Variants in TFPI observed in about 807,000 individuals in gnomAD.
TFPI encodes anti-convertin.
Under a neutral mutation model 34.6 loss-of-function variants are expected in TFPI, and 15 were observed. The observed-to-expected ratio is 0.43, with a 90% CI of 0.29 to 0.67. The LOEUF (loss-of-function observed/expected upper bound fraction) is 0.67, where lower values mean the gene tolerates loss of function less well. Ranked by LOEUF, TFPI falls within the 30% of genes least tolerant of loss-of-function variation. The pLI, the probability that TFPI is intolerant of heterozygous loss-of-function variation, is 0.15. For missense variants in TFPI, 301 were observed against 364.0 expected (o/e 0.83, Z 1.41); for synonymous variants, 105 against 120.1 (o/e 0.87, Z 0.82).
At chr2:187,509,101 T>C (rs1254623682) in intron 1 of TFPI, among the ~76,000 whole-genome samples, 4 of 152,200 alleles carry the variant, frequency 2.6e-5, no homozygotes, top group African/African-American at 7.2e-5. Context: ...ATTAAGTTTA[T>C]TGATTTGTGT....
intron 1 of TFPI, among the ~76,000 whole-genome samples, chr2:187,506,056 C>A (rs1186148972): frequency 2.0e-5 from 3 of 151,818 alleles, no homozygotes; most frequent in Non-Finnish European, 4.4e-5. Flanking sequence ...AATCAAATAT[C>A]TAAATTTTTA....
chr2:187,483,657 G>C (rs1219796466), intron 6 of TFPI, among the ~76,000 whole-genome samples: 1 of 151,956 alleles, frequency 6.6e-6, no homozygotes, highest in Non-Finnish European at 1.5e-5. Context: ...TCCCTCCAGA[G>C]TGACATAACA....
At chr2:187,482,554 T>C (rs1000816649) in intron 6 of TFPI, among the ~76,000 whole-genome samples, 3 of 152,008 alleles carry the variant, frequency 2.0e-5, no homozygotes, top group Non-Finnish European at 2.9e-5. Flanking sequence ...CCTGAAGTCA[T>C]TTTGAATATA....
At chr2:187,505,728 T>C (rs186526522) in intron 1 of TFPI, among the ~76,000 whole-genome samples, 3 of 152,276 alleles carry the variant, frequency 2.0e-5, no homozygotes, top group Non-Finnish European at 2.9e-5. Context: ...TTTGGACCAA[T>C]CCATTTGAGT....
chr2:187,506,509 A>G (rs1167337441), intron 1 of TFPI, among the ~76,000 whole-genome samples: 1 of 152,110 alleles, frequency 6.6e-6, no homozygotes, highest in Non-Finnish European at 1.5e-5. Flanking sequence ...AAATATCCTT[A>G]TCTTTTCCCC....
In TFPI at chr2:187,542,606, C is replaced by G. The variant is rs150385949; in HGVS notation, c.-3+11594G>C. Among the ~76,000 whole-genome samples, 1,010 of 152,280 alleles carry G rather than the reference C, an allele frequency of 6.6e-3. 8 individuals carry two copies. Among genetic ancestry groups the G allele is most frequent in the African/African-American group, 0.023 (961 of 41,544 alleles). ...ATTTCTGGGGCTGGACGCTGCGGCT[C>G]ATGCCTGTAATCCCAGCACTTTGGG... On this transcript the variant is annotated intron_variant, in intron 1 of 7. Transcript: ENST00000233156.
intron 6 of TFPI, among the ~76,000 whole-genome samples, chr2:187,477,915 C>T (rs894909373): frequency 2.6e-5 from 4 of 152,094 alleles, no homozygotes; most frequent in Admixed American, 2.0e-4. Flanking sequence ...AATTACTTTC[C>T]CTGGACCTGG....
chr2:187,467,628 A>G lies in TFPI; in HGVS notation c.808+125T>C, dbSNP rs565051066. ...TTATCTAAATGTAATTGAAGAGGAC[A>G]TTTATTAGCTAGATTATACTTTCTT... On this transcript the variant is annotated intron_variant, in intron 7 of 7. Transcript: ENST00000233156. 1,213 of 848,960 alleles carry G rather than the reference A, an allele frequency of 1.4e-3. 2 individuals carry two copies. The highest frequency in any genetic ancestry group is 1.8e-3 in the Non-Finnish European group (1,106 of 607,660). The allele number at this position is 848,960 out of a possible 1,614,324, so 52.6% of individuals were successfully genotyped here. A position where few individuals can be genotyped will look rare whatever the true frequency, so the allele number is the denominator to read the frequency against.
chr2:187,487,088 A>G (rs1189864538), intron 4 of TFPI, among the ~76,000 whole-genome samples: 2 of 151,542 alleles, frequency 1.3e-5, no homozygotes, highest in Non-Finnish European at 3.0e-5. Context: ...TTATAGCATA[A>G]TTTTACCTAA....
Position 187,467,941 on chromosome 2 carries a change from A to G in TFPI, c.629-9T>C. On this transcript the variant is annotated splice_polypyrimidine_tract_variant and intron_variant, in intron 6 of 7. Transcript: ENST00000233156. The stretch of plus-strand genomic sequence containing the variant: ...TGAGGGACCGTGAAATTCTAAAAAC[A>G]ATCAGGAAAACATGGTAAGCCATAT... The G allele has an allele frequency of 6.4e-7, 1 of 1,561,796 alleles. No homozygotes were observed. Among genetic ancestry groups the G allele is most frequent in the South Asian group, 1.2e-5 (1 of 81,588 alleles).
chr2:187,467,069 T>C lies in TFPI; in HGVS notation c.809-27A>G, dbSNP rs1184014673. On this transcript the variant is annotated intron_variant, in intron 7 of 7. Coordinates refer to ENST00000233156, the MANE Select transcript of TFPI (RefSeq NM_006287.6). Reference sequence around the variant, plus strand: ...TATAAGAGGAAGAGGAATAAATTAATGTGTGATAAAATAACACAATGAAAT... The same window carrying C: ...TATAAGAGGAAGAGGAATAAATTAACGTGTGATAAAATAACACAATGAAAT... 4.4e-6 allele frequency: 6 copies of C among 1,374,152 alleles called. No homozygotes were observed. The African/African-American group carries it at 7.3e-5, about 17-fold the overall frequency. 85.1% of individuals were successfully genotyped at this position (1,374,152 alleles called of 1,614,324 possible).
At chr2:187,520,936 A>T (rs1489582198) in intron 1 of TFPI, among the ~76,000 whole-genome samples, 1 of 151,868 alleles carries the variant, frequency 6.6e-6, no homozygotes, top group Non-Finnish European at 1.5e-5. Context: ...ATGAGTTTTT[A>T]ATTTTTTCTG....
intron 4 of TFPI, among the ~76,000 whole-genome samples, chr2:187,486,673 A>C (rs1018440004): frequency 2.0e-5 from 3 of 151,598 alleles, no homozygotes; most frequent in Non-Finnish European, 4.4e-5. Flanking sequence ...AAATCAAAAA[A>C]TTAATTTCCC....
At chr2:187,551,873 A>C (rs1689108045) in intron 1 of TFPI, among the ~76,000 whole-genome samples, 1 of 152,160 alleles carries the variant, frequency 6.6e-6, no homozygotes, top group Non-Finnish European at 1.5e-5. Context: ...TAATTCCTAA[A>C]ATGAGTTAAT....
chr2:187,474,767 A>G (rs1467261436), intron 6 of TFPI, among the ~76,000 whole-genome samples: 1 of 152,210 alleles, frequency 6.6e-6, no homozygotes, highest in Non-Finnish European at 1.5e-5. Flanking sequence ...GAAACATTAT[A>G]GAATAAATTC....
chr2:187,514,479 G>A lies in TFPI; in HGVS notation c.-2-10709C>T, dbSNP rs190165744. 1.2e-4 allele frequency: 18 copies of A among 152,358 alleles called. No individual in the cohort carries two copies. In the East Asian group the frequency reaches 2.9e-3, roughly 25 times the overall value. 9.4% of individuals were successfully genotyped at this position (152,358 alleles called of 1,614,324 possible). A position where few individuals can be genotyped will look rare whatever the true frequency, so the allele number is the denominator to read the frequency against. On this transcript the variant is annotated intron_variant, in intron 1 of 7. Transcript: ENST00000233156. ...AGCCCTCGAGGGCCATCCCGCTTCC[G>A]TCTTCCAACACTAGGTTCACTTCGT...
chr2:187,477,458 T>G (rs1207443883), intron 6 of TFPI, among the ~76,000 whole-genome samples: 2 of 151,860 alleles, frequency 1.3e-5, no homozygotes, highest in Non-Finnish European at 2.9e-5. Context: ...ATGAAGTGGG[T>G]TTTTTTTGTT....
Position 187,484,162 on chromosome 2 carries a change from G to A in TFPI, c.590C>T (p.Ser197Phe). Reference sequence around the variant, plus strand: ...AACCTTGGTTGATTGCGGAGTCAGGGAGTTATTCACAGCATTGAGCTGGGT... The same window carrying A: ...AACCTTGGTTGATTGCGGAGTCAGGAAGTTATTCACAGCATTGAGCTGGGT... ...YGTQLNAVNN[S>F]LTPQSTKVPS... Residue 197 changes from serine (S) to phenylalanine (F), a missense_variant, in exon 6 of 8, where the codon TCC (serine) becomes TTC (phenylalanine). By Grantham distance (155) the Ser-to-Phe change is radical (BLOSUM62 -2). Transcript: ENST00000233156. 1 of 1,612,418 alleles carries A rather than the reference G, an allele frequency of 6.2e-7. No homozygotes were observed. Among genetic ancestry groups the A allele is most frequent in the Non-Finnish European group, 8.5e-7 (1 of 1,178,870 alleles).
At chr2:187,482,258 CTG>C (rs1692920325) in intron 6 of TFPI, among the ~76,000 whole-genome samples, 1 of 152,052 alleles carries the variant, frequency 6.6e-6, no homozygotes, top group African/African-American at 2.4e-5. Context: ...TACTGATATA[CTG>C]TGTCACATGT....
Sources: allele counts gnomAD v4.1 joint callset (sites outside exome capture counted in the v4.1 genomes callset), GRCh38; gene constraint gnomAD v4.1.1; transcripts MANE v1.5; gene names NCBI Gene and HGNC (gene_info 2026-07-23, HGNC 2026-07-21).